The following VPS13C variants were observed in gnomAD, a reference collection of about 807,000 sequenced individuals.
VPS13C encodes the protein intermembrane lipid transfer protein VPS13C.
VPS13C carries 358 observed loss-of-function variants against 456.8 expected under a neutral mutation model. The ratio of observed to expected loss-of-function variants is 0.78; its 90% CI spans 0.72 to 0.86. The LOEUF is 0.86. VPS13C is among the 40% of genes least tolerant of loss of function. VPS13C has a pLI of 0.00. For missense variants in VPS13C, 4,818 were observed against 4,385.4 expected (o/e 1.10, Z -2.79); for synonymous variants, 1,578 against 1,486.7 (o/e 1.06, Z -1.41).
rs746966731 is a variant in VPS13C, at chr15:61,890,253, A to C, written c.9253T>G (p.Tyr3085Asp). The part of the protein sequence containing the change: ...LQAEEMEQAD[Y>D]EITLSLHSLG... ...CTGTGGAGAGACAAGGTTATTTCAT[A>C]ATCAGCCTGTTCCATTTCTTCTGCC... The change falls in exon 67 of 85, where the codon TAT becomes GAT. Residue 3085 changes from tyrosine to aspartate, a missense_variant. Around this residue, in one of 3 missense-constraint regions of VPS13C, gnomAD observed 4,552 missense variants for 4,130.6 expected, o/e 1.10. Transcript: ENST00000644861. 6.2e-7 allele frequency: 1 copy of C among 1,614,096 alleles called. No homozygotes were observed. Among genetic ancestry groups the C allele is most frequent in the South Asian group, 1.1e-5 (1 of 91,076 alleles).
rs142048076 is a variant in VPS13C at position 62,034,997 on chromosome 15, C to T, written c.243G>A (p.Ala81=). ...WKNLYGEAVV[A]TLEGLYLLVV... The stretch of plus-strand genomic sequence containing the variant: ...CAAGCAGGTATAATCCTTCCAGGGT[C>T]GCAACAACTGCTTCTCCATAAAGGT... Residue 81 remains alanine (A), a synonymous_variant, in exon 4 of 85, where the codon GCG becomes GCA. Transcript: ENST00000644861. 290 of 1,603,176 alleles carry T rather than the reference C, an allele frequency of 1.8e-4. 1 individual carries two copies. In the African/African-American group the frequency reaches 3.6e-3, roughly 20 times the overall value.
At chr15:61,855,113 A>G (rs1893834680) in intron 83 of VPS13C, among the ~76,000 whole-genome samples, 159 bp from the exon 84 acceptor site, 1 of 152,224 alleles carries the variant, frequency 6.6e-6, no homozygotes, top group African/African-American at 2.4e-5. Flanking sequence ...ATCTTGGAAC[A>G]AGGACGGTAT....
chr15:62,035,321 G>A (rs2047955841), intron 3 of VPS13C, among the ~76,000 whole-genome samples: 1 of 151,712 alleles, frequency 6.6e-6, no homozygotes, highest in African/African-American at 2.4e-5. Flanking sequence ...ACTGTAAAAT[G>A]AATAAGTCAG....
At chr15:61,871,049 G>A (rs938650939) in intron 79 of VPS13C, among the ~76,000 whole-genome samples, 1 of 151,982 alleles carries the variant, frequency 6.6e-6, no homozygotes, top group Non-Finnish European at 1.5e-5. Context: ...CTTCCATTCT[G>A]TGGGCTGTCT....
chr15:62,023,871 GA>G (rs1208682560), intron 6 of VPS13C, 26 bp from the exon 7 acceptor site: 3 of 1,595,356 alleles, frequency 1.9e-6, no homozygotes, highest in Non-Finnish European at 2.6e-6. Flanking sequence ...ATTTTAGTGA[GA>G]AAAGGATAAG....
chr15:62,008,292 T>G (rs773910038), intron 14 of VPS13C, among the ~76,000 whole-genome samples: 1 of 151,732 alleles, frequency 6.6e-6, no homozygotes, highest in Non-Finnish European at 1.5e-5. Flanking sequence ...CCCAGCTACT[T>G]GGGAGGCTGA....
intron 55 of VPS13C, among the ~76,000 whole-genome samples, chr15:61,921,332 C>G (rs1453570196): frequency 6.6e-6 from 1 of 152,024 alleles, no homozygotes; most frequent in Non-Finnish European, 1.5e-5. Flanking sequence ...ACGACAATTT[C>G]TTAACAATAT....
In VPS13C at chr15:61,946,369, C is replaced by A; in HGVS notation, c.4918G>T (p.Val1640Leu). 1 of 1,608,938 alleles carries A rather than the reference C, an allele frequency of 6.2e-7. No homozygotes were observed. The highest frequency in any genetic ancestry group is 1.1e-5 in the South Asian group (1 of 90,196). ...ATAATATCTTTAAGTCTGGCAAACA[C>A]ATCAGTCTGCTTAGGCTTCACAGAA... ...SISVKPKQTDVFARLKDIIVM... is the reference protein window; with the variant it reads ...SISVKPKQTDLFARLKDIIVM... The change falls in exon 44 of 85, where the codon GTG becomes TTG. Residue 1640 changes from valine (V) to leucine (L), a missense_variant. Physicochemically the swap from Val to Leu is conservative, Grantham distance 32. This residue lies in a region of VPS13C where 4,552 missense variants were observed against 4,130.6 expected (regional missense o/e 1.10). Coordinates refer to ENST00000644861, the MANE Select transcript of VPS13C (RefSeq NM_020821.3).
chr15:61,987,845 A>G (rs746605336), intron 18 of VPS13C, among the ~76,000 whole-genome samples: 2 of 152,224 alleles, frequency 1.3e-5, no homozygotes, highest in Non-Finnish European at 2.9e-5. Flanking sequence ...AAAGTTATAC[A>G]TATTTACCCT....
At chr15:61,997,913 C>A (rs1430090274) in intron 16 of VPS13C, among the ~76,000 whole-genome samples, 3 of 152,288 alleles carry the variant, frequency 2.0e-5, no homozygotes, top group South Asian at 2.1e-4. Flanking sequence ...GATCATATCA[C>A]CCTGTTTCAA....
At position 61,954,669 on chromosome 15, in the gene VPS13C, T is replaced by A; in HGVS notation, c.4166-115A>T. On this transcript the variant is annotated intron_variant, in intron 37 of 84. Transcript: ENST00000644861. ...GTAGAGGCAATGAAAATCCACGAATTAGTAACAGCGCTAGCCCTTGGAAAA... is the reference window on the plus strand; with the variant it reads ...GTAGAGGCAATGAAAATCCACGAATAAGTAACAGCGCTAGCCCTTGGAAAA... The A allele has an allele frequency of 3.0e-6, 3 of 999,700 alleles. 1 individual carries two copies. The East Asian group carries it at 8.2e-5, about 27-fold the overall frequency. The allele number at this position is 999,700 out of a possible 1,614,324, so 61.9% of individuals were successfully genotyped here. A position where few individuals can be genotyped will look rare whatever the true frequency, so the allele number is the denominator to read the frequency against.
In VPS13C at chr15:61,953,448, C is replaced by T. The variant is rs528844117; in HGVS notation, c.4299+973G>A. ...TGTTCCCCTTCCTGTGTCCATGTGT[C>T]CTCATTGTTCAATTCCCACCTATGA... On this transcript the variant is annotated intron_variant, in intron 38 of 84. Transcript: ENST00000644861. 3.5e-3 allele frequency among the ~76,000 whole-genome samples: 475 copies of T among 136,912 alleles called. 5 individuals carry two copies. Among genetic ancestry groups the T allele is most frequent in the African/African-American group, 0.012 (437 of 36,600 alleles). 89.8% of individuals were successfully genotyped at this position (136,912 alleles called of 152,430 possible).
In VPS13C at chr15:61,962,736, T is replaced by C; in HGVS notation, c.3435+13A>G. On this transcript the variant is annotated intron_variant, in intron 33 of 84. Transcript: ENST00000644861. ...CATTAAAGAATATTAACTATCTGTTTACAATCACCTACTTTCTTATGAACT... is the reference window on the plus strand; with the variant it reads ...CATTAAAGAATATTAACTATCTGTTCACAATCACCTACTTTCTTATGAACT... The C allele has an allele frequency of 6.4e-7, 1 of 1,551,200 alleles. No homozygotes were observed. The highest frequency in any genetic ancestry group is 8.8e-7 in the Non-Finnish European group (1 of 1,134,512).
At position 61,907,871 on chromosome 15, in the gene VPS13C, A is replaced by G. The variant is rs554021979; in HGVS notation, c.8979-481T>C. ...CTGGGCTCATGAGATGCTCCTACCC[A>G]AGCCTCTCAAGTAGCTGTGACTATA... On this transcript the variant is annotated intron_variant, in intron 65 of 84. Coordinates refer to ENST00000644861, the MANE Select transcript of VPS13C (RefSeq NM_020821.3). 9.0e-4 allele frequency among the ~76,000 whole-genome samples: 137 copies of G among 152,286 alleles called. 1 individual carries two copies. The highest frequency in any genetic ancestry group is 3.2e-3 in the African/African-American group (135 of 41,564).
intron 16 of VPS13C, among the ~76,000 whole-genome samples, chr15:61,997,855 T>C (rs1290994823): frequency 6.6e-6 from 1 of 152,206 alleles, no homozygotes. Flanking sequence ...CCTTCCTTCC[T>C]ACAGTCTGCT....
intron 15 of VPS13C, among the ~76,000 whole-genome samples, chr15:62,003,165 T>C (rs2046698116): frequency 6.6e-6 from 1 of 152,012 alleles, no homozygotes; most frequent in African/African-American, 2.4e-5. Context: ...GGAATGTTCT[T>C]CCATTTGTTT....
intron 43 of VPS13C, 114 bp from the exon 44 acceptor site, chr15:61,946,524 A>G (rs1478157678): frequency 1.6e-6 from 1 of 608,676 alleles, no homozygotes; most frequent in Non-Finnish European, 2.6e-6. Flanking sequence ...ATTACTCATT[A>G]TAAGACACAT....
chr15:62,048,778 T>G (rs952468271), intron 1 of VPS13C, among the ~76,000 whole-genome samples: 19 of 152,168 alleles, frequency 1.2e-4, no homozygotes, highest in African/African-American at 4.6e-4. Context: ...GTTTCCTGAC[T>G]TTTTAATGAT....
At chr15:61,896,380 G>A (rs1018541549) in intron 66 of VPS13C, among the ~76,000 whole-genome samples, 3 of 152,154 alleles carry the variant, frequency 2.0e-5, no homozygotes, top group African/African-American at 7.2e-5. Context: ...GTGGGCACAG[G>A]TCAGTGGGTG....
Sources: gnomAD v4.1 joint callset for allele counts (sites outside exome capture counted in the v4.1 genomes callset) on GRCh38, gnomAD v4.1.1 for gene constraint, gnomAD v4.1.1 regional missense constraint, MANE v1.5 for transcripts, NCBI Gene and HGNC (gene_info 2026-07-23, HGNC 2026-07-21) for gene names.